Variants in EP300 observed in about 807,000 individuals in gnomAD.
The protein encoded by EP300 is histone acetyltransferase p300.
In EP300, 31 loss-of-function variants were observed where a neutral mutation model predicts 264.0. That is an observed-to-expected ratio of 0.12 (90% confidence interval 0.09 to 0.16). EP300 has a LOEUF of 0.16. Ranked by LOEUF, EP300 falls within the 10% of genes least tolerant of loss-of-function variation. The pLI is 1.00. For missense variants in EP300, 2,766 were observed against 3,052.9 expected, an observed-to-expected ratio of 0.91 and a Z score of 2.21; for synonymous variants, 1,340 against 1,045.4, an observed-to-expected ratio of 1.28 and a Z score of -5.44.
Position 41,157,250 on chromosome 22 carries a change from T to C in EP300, c.3343T>C (p.Trp1115Arg). The C allele has an allele frequency of 6.2e-7, 1 of 1,614,200 alleles. No homozygotes were observed. The highest frequency in any genetic ancestry group is 1.7e-5 in the Admixed American group (1 of 60,020). The change falls in exon 18 of 31, where the codon TGG (tryptophan) becomes CGG (arginine). Residue 1115 changes from tryptophan (W) to arginine (R), a missense_variant. Trp to Arg is a moderately radical substitution (Grantham distance 101, BLOSUM62 -3). Transcript: ENST00000263253. ...KLDTGQYQEP[W>R]QYVDDIWLMF... ...AGACACTGGACAGTATCAGGAGCCC[T>C]GGCAGTATGTCGATGATATTTGGCT...
intron 3 of EP300, among the ~76,000 whole-genome samples, chr22:41,127,069 A>G (rs1420758291): frequency 1.3e-5 from 2 of 152,084 alleles, no homozygotes; most frequent in African/African-American, 4.8e-5. Flanking sequence ...TTAATTTAAA[A>G]AACTAAATTT....
Position 41,117,839 on chromosome 22 carries a change from T to G in EP300, c.729+18T>G. 1.9e-6 allele frequency: 3 copies of G among 1,613,382 alleles called. No homozygotes were observed. The highest frequency in any genetic ancestry group is 2.5e-6 in the Non-Finnish European group (3 of 1,180,012). On this transcript the variant is annotated intron_variant, in intron 2 of 30. Coordinates refer to ENST00000263253, the MANE Select transcript of EP300 (RefSeq NM_001429.4). ...CTCTTAAGGTAAGTACAGTTTTGGTTTGTGTGCACAATCGGCATGCATGTG... is the reference window on the plus strand; with the variant it reads ...CTCTTAAGGTAAGTACAGTTTTGGTGTGTGTGCACAATCGGCATGCATGTG...
chr22:41,138,143 T>G (rs1452156116), intron 8 of EP300, among the ~76,000 whole-genome samples: 2 of 152,206 alleles, frequency 1.3e-5, no homozygotes, highest in Non-Finnish European at 2.9e-5. Flanking sequence ...AACATCCTTT[T>G]CTGTTACTCC....
chr22:41,143,038 A>G (rs899418942), intron 10 of EP300, among the ~76,000 whole-genome samples: 10 of 152,242 alleles, frequency 6.6e-5, no homozygotes, highest in Non-Finnish European at 1.2e-4. Flanking sequence ...GTAAGCAGGA[A>G]TAAGTGGTAG....
intron 1 of EP300, among the ~76,000 whole-genome samples, chr22:41,096,612 CTT>C (rs749353769): frequency 0.017 from 1,724 of 104,384 alleles, 29 homozygotes; most frequent in African/African-American, 0.065. Context: ...GTCAGCTCTA[CTT>C]TTTTTTTTTT....
chr22:41,119,777 A>T (rs2058842270), intron 2 of EP300, among the ~76,000 whole-genome samples: 1 of 152,142 alleles, frequency 6.6e-6, no homozygotes, highest in Non-Finnish European at 1.5e-5. Flanking sequence ...AGAAGGAGGA[A>T]TTCAAATTTT....
In EP300 at chr22:41,129,817, G is replaced by A. The variant is rs569878475; in HGVS notation, c.1169-73G>A. 3.4e-5 allele frequency: 37 copies of A among 1,101,180 alleles called. No homozygotes were observed. In the African/African-American group the frequency reaches 5.1e-4, roughly 15 times the overall value. 68.2% of individuals were successfully genotyped at this position (1,101,180 alleles called of 1,614,324 possible). ...AATGCATTTATGTTACTTATTAAGT[G>A]GTCAACAAGTTAGCTATTATTAATG... On this transcript the variant is annotated intron_variant, in intron 4 of 30. Coordinates refer to ENST00000263253, the MANE Select transcript of EP300 (RefSeq NM_001429.4).
At chr22:41,146,553 T>A in intron 10 of EP300, 186 bp from the exon 11 acceptor site, 4 of 612,502 alleles carry the variant, frequency 6.5e-6, no homozygotes, top group Non-Finnish European at 1.1e-5. Flanking sequence ...CTTGGAGGCA[T>A]TTTTCTGTAT....
At chr22:41,096,016 G>A (rs1012924622) in intron 1 of EP300, among the ~76,000 whole-genome samples, 1 of 152,142 alleles carries the variant, frequency 6.6e-6, no homozygotes, top group Admixed American at 6.5e-5. Flanking sequence ...GTTGGGATGG[G>A]GAAGAGAAGA....
At chr22:41,146,691 G>C (rs1354132545) in intron 10 of EP300, 48 bp from the exon 11 acceptor site, 1 of 1,569,164 alleles carries the variant, frequency 6.4e-7, no homozygotes, top group Non-Finnish European at 8.8e-7. Flanking sequence ...TTTTTGTTTG[G>C]TTAAGGGAAG....
At chr22:41,104,059 C>A (rs774862296) in intron 1 of EP300, among the ~76,000 whole-genome samples, 7 of 152,068 alleles carry the variant, frequency 4.6e-5, no homozygotes, top group Middle Eastern at 3.2e-3. Context: ...TACAGATATG[C>A]AAGGTTTTTT....
At chr22:41,124,042 G>A (rs1186038968) in intron 2 of EP300, among the ~76,000 whole-genome samples, 1 of 151,954 alleles carries the variant, frequency 6.6e-6, no homozygotes, top group Non-Finnish European at 1.5e-5. Flanking sequence ...GAGGTCAGGA[G>A]TTCAAGGCCA....
intron 14 of EP300, 87 bp from the exon 15 acceptor site, chr22:41,151,746 G>C: frequency 2.2e-6 from 3 of 1,364,534 alleles, no homozygotes; most frequent in Non-Finnish European, 3.1e-6. Context: ...GGCTAATTCT[G>C]CTATCCTGTT....
chr22:41,117,052 C>A (rs573927395), intron 1 of EP300, 135 bp from the exon 2 acceptor site: 5 of 818,790 alleles, frequency 6.1e-6, no homozygotes, highest in Admixed American at 2.1e-5. Flanking sequence ...CAGAGTAAGA[C>A]CCTGTCTCAA....
chr22:41,105,745 A>G (rs917981133), intron 1 of EP300, among the ~76,000 whole-genome samples: 4 of 152,212 alleles, frequency 2.6e-5, no homozygotes, highest in Non-Finnish European at 4.4e-5. Context: ...TTCCCAAAGT[A>G]TAAGTATACC....
intron 10 of EP300, 198 bp from the exon 11 acceptor site, chr22:41,146,541 C>T: frequency 1.7e-6 from 1 of 597,078 alleles, no homozygotes; most frequent in African/African-American, 1.9e-5. Context: ...CCAACAAATC[C>T]ACTTGGAGGC....
At chr22:41,146,487 A>T (rs2059011361) in intron 10 of EP300, 2 of 493,222 alleles carry the variant, frequency 4.1e-6, no homozygotes. Context: ...TCAATAGCTT[A>T]TTTTTCTATC....
At chr22:41,169,379 C>T (rs1601633552) in intron 25 of EP300, 124 bp from the exon 26 acceptor site, 4 of 724,214 alleles carry the variant, frequency 5.5e-6, no homozygotes, top group African/African-American at 3.5e-5. Context: ...TGATGAGCTT[C>T]ACAAATAACG....
At chr22:41,166,532 A>C (rs992325421) in intron 22 of EP300, 67 bp from the exon 23 acceptor site, 3 of 1,302,932 alleles carry the variant, frequency 2.3e-6, no homozygotes, top group Non-Finnish European at 3.3e-6. Context: ...TTGAATTTTA[A>C]CTTTTTGTTA....
Sources: gnomAD v4.1 joint callset for allele counts (sites outside exome capture counted in the v4.1 genomes callset) on GRCh38, gnomAD v4.1.1 for gene constraint, MANE v1.5 for transcripts, NCBI Gene and HGNC (gene_info 2026-07-23, HGNC 2026-07-21) for gene names.